Variants in IMPA2 observed in about 807,000 individuals in gnomAD.
The protein encoded by IMPA2 is inositol monophosphatase 2, also known as IMP 2.
A neutral mutation model predicts 35.1 loss-of-function variants in IMPA2; 32 were observed. The ratio of observed to expected loss-of-function variants is 0.91; its 90% CI spans 0.69 to 1.23. IMPA2 has a LOEUF of 1.23. Ranked by LOEUF, IMPA2 falls within the 50% of genes most tolerant of loss-of-function variation. IMPA2 has a pLI of 0.00. For missense variants in IMPA2, 334 were observed against 387.6 expected (o/e 0.86, Z 1.16); for synonymous variants, 135 against 160.6 (o/e 0.84, Z 1.20).
Position 12,028,836 on chromosome 18 carries a change from C to G in IMPA2, c.600-6C>G, listed in dbSNP as rs764211401. 6.2e-7 allele frequency: 1 copy of G among 1,613,584 alleles called. No individual in the cohort carries two copies. Among genetic ancestry groups the G allele is most frequent in the Non-Finnish European group, 8.5e-7 (1 of 1,179,778 alleles). Reference sequence around the variant, plus strand: ...CCTGCATCTGTCCTCCCTTCCCTCTCCCCAGGGTCCGAGTGATTGGAAGCT... The same window carrying G: ...CCTGCATCTGTCCTCCCTTCCCTCTGCCCAGGGTCCGAGTGATTGGAAGCT... On this transcript the variant is annotated splice_polypyrimidine_tract_variant and splice_region_variant and intron_variant, in intron 6 of 7. Transcript: ENST00000269159.
At chr18:11,988,092 G>A (rs1452387732) in intron 1 of IMPA2, among the ~76,000 whole-genome samples, 7 of 127,998 alleles carry the variant, frequency 5.5e-5, no homozygotes, top group African/African-American at 2.0e-4. Context: ...TGCAACCTCC[G>A]CTTCCCGGGC....
intron 1 of IMPA2, among the ~76,000 whole-genome samples, chr18:11,995,861 T>C (rs1209447351): frequency 6.6e-6 from 1 of 152,188 alleles, no homozygotes; most frequent in Admixed American, 6.5e-5. Flanking sequence ...CCAATGTGTG[T>C]TTTATTCATT....
intron 5 of IMPA2, among the ~76,000 whole-genome samples, chr18:12,015,943 C>T (rs1436525988): frequency 6.6e-6 from 1 of 152,164 alleles, no homozygotes; most frequent in Non-Finnish European, 1.5e-5. Flanking sequence ...TGCAACTCTG[C>T]GTCCTCCCAG....
Position 11,981,667 on chromosome 18 carries a change from G to C in IMPA2, c.-3G>C. 1 of 1,229,362 alleles carries C rather than the reference G, an allele frequency of 8.1e-7. No homozygotes were observed. The highest frequency in any genetic ancestry group is 1.0e-6 in the Non-Finnish European group (1 of 986,128). 76.2% of individuals were successfully genotyped at this position (1,229,362 alleles called of 1,614,324 possible). ...GGAGGTGGAGGGGCCCGGCGAGGCC[G>C]CGATGAAGCCGAGCGGCGAGGACCA... On this transcript the variant is annotated 5_prime_UTR_variant, in exon 1 of 8. Transcript: ENST00000269159.
chr18:12,008,435 C>G (rs551703300), intron 2 of IMPA2: 6 of 508,430 alleles, frequency 1.2e-5, no homozygotes, highest in Non-Finnish European at 2.0e-5. Context: ...GTTTGCTTAG[C>G]GCCTGCCCAA....
At chr18:12,013,807 G>T (rs1907499755) in intron 4 of IMPA2, among the ~76,000 whole-genome samples, 1 of 152,156 alleles carries the variant, frequency 6.6e-6, no homozygotes, top group Non-Finnish European at 1.5e-5. Context: ...TTCCTCGCTG[G>T]GGCTGTCCTT....
At chr18:11,981,985 T>A (rs1374751244) in intron 1 of IMPA2, among the ~76,000 whole-genome samples, 1 of 152,212 alleles carries the variant, frequency 6.6e-6, no homozygotes, top group Non-Finnish European at 1.5e-5. Context: ...GGCGAGCCCC[T>A]CTGCTTTGGA....
chr18:12,021,999 C>T (rs1907742843), intron 5 of IMPA2, among the ~76,000 whole-genome samples: 2 of 152,068 alleles, frequency 1.3e-5, no homozygotes, highest in Non-Finnish European at 2.9e-5. Context: ...ACAGAGATGT[C>T]CTATTTCAAA....
chr18:11,981,523 G>A lies in IMPA2; in HGVS notation c.-147G>A. The A allele has an allele frequency of 2.1e-6, 1 of 466,452 alleles. No homozygotes were observed. The highest frequency in any genetic ancestry group is 3.4e-6 in the Non-Finnish European group (1 of 291,336). The allele number at this position is 466,452 out of a possible 1,614,324, so 28.9% of individuals were successfully genotyped here. ...CCCGCTGGCTGCCCTTCCCGCCAGC[G>A]CAGGTGTGGGACGGGCGGCGGACTA... is the stretch of plus-strand genomic sequence containing the variant. On this transcript the variant is annotated 5_prime_UTR_variant, in exon 1 of 8. Coordinates refer to ENST00000269159, the MANE Select transcript of IMPA2 (RefSeq NM_014214.3).
Position 11,999,191 on chromosome 18 carries a change from G to A in IMPA2, c.230+4G>A, listed in dbSNP as rs1192569007. ...GAGAGAGGTTTCCTTCACACAGGTA[G>A]GTGTACTCCTCTGGGAAACACCCCC... On this transcript the variant is annotated splice_donor_region_variant and intron_variant, in intron 2 of 7. Transcript: ENST00000269159. 1 of 1,612,696 alleles carries A rather than the reference G, an allele frequency of 6.2e-7. No homozygotes were observed. Among genetic ancestry groups the A allele is most frequent in the Non-Finnish European group, 8.5e-7 (1 of 1,179,266 alleles).
rs1908015158 is a variant in IMPA2 at position 12,030,412 on chromosome 18, C to T, written c.821C>T (p.Ala274Val). ...ACCCGGGAGATGGCGATGCTCATAG[C>T]TCAGGCCTTACAGACGATTAACTAT... ...ASTREMAMLI[A>V]QALQTINYGR... The change falls in exon 8 of 8, where the codon GCT becomes GTT. Residue 274 changes from alanine (A) to valine (V), a missense_variant. By Grantham distance (64) the Ala-to-Val change is moderately conservative. Coordinates refer to ENST00000269159, the MANE Select transcript of IMPA2 (RefSeq NM_014214.3). The T allele has an allele frequency of 6.2e-7, 1 of 1,614,106 alleles. No homozygotes were observed. The highest frequency in any genetic ancestry group is 2.2e-5 in the East Asian group (1 of 44,896).
In IMPA2 at chr18:12,029,696, C is replaced by T. The variant is rs143440833; in HGVS notation, c.752-647C>T. Among the ~76,000 whole-genome samples, 1,491 of 152,296 alleles carry T rather than the reference C, an allele frequency of 9.8e-3. 20 individuals are homozygous for T. Among genetic ancestry groups the T allele is most frequent in the African/African-American group, 0.033 (1,370 of 41,556 alleles). On this transcript the variant is annotated intron_variant, in intron 7 of 7. Coordinates refer to ENST00000269159, the MANE Select transcript of IMPA2 (RefSeq NM_014214.3). ...TCGGCCTCCCAAAGTGCTGGGATTA[C>T]AGGCCTGAGCCACCATGCCCGGCCT... is the stretch of plus-strand genomic sequence containing the variant.
chr18:12,028,769 G>T, intron 6 of IMPA2, 73 bp from the exon 7 acceptor site: 1 of 1,512,272 alleles, frequency 6.6e-7, no homozygotes, highest in Admixed American at 2.0e-5. Flanking sequence ...GGGGTACCTG[G>T]CTGAAGTCGG....
intron 1 of IMPA2, among the ~76,000 whole-genome samples, chr18:11,998,458 G>C (rs906739053): frequency 6.6e-6 from 1 of 152,206 alleles, no homozygotes; most frequent in Non-Finnish European, 1.5e-5. Context: ...AGCCCAGAGC[G>C]CAGTGAGAGC....
chr18:11,999,113 T>A lies in IMPA2; in HGVS notation c.156T>A (p.Asp52Glu), dbSNP rs1195027937. 3.1e-6 allele frequency: 5 copies of A among 1,613,724 alleles called. No homozygotes were observed. Among genetic ancestry groups the A allele is most frequent in the Non-Finnish European group, 4.2e-6 (5 of 1,179,716 alleles). Reference sequence around the variant, plus strand: ...TCTCAACAAAAACATCAGCTGCAGATCTTGTGACAGAAACAGATCACCTTG... The same window carrying A: ...TCTCAACAAAAACATCAGCTGCAGAACTTGTGACAGAAACAGATCACCTTG... ...KRVSTKTSAADLVTETDHLVE... is the reference protein window; with the variant it reads ...KRVSTKTSAAELVTETDHLVE... Residue 52 changes from aspartate to glutamate, a missense_variant, in exon 2 of 8, where the codon GAT becomes GAA. Coordinates refer to ENST00000269159, the MANE Select transcript of IMPA2 (RefSeq NM_014214.3).
intron 3 of IMPA2, among the ~76,000 whole-genome samples, chr18:12,011,676 GC>G (rs1409807696): frequency 6.6e-6 from 1 of 152,240 alleles, no homozygotes. Context: ...ACTGTCTGCA[GC>G]CGTGGCTGTC....
chr18:11,998,544 A>G (rs1907022652), intron 1 of IMPA2, among the ~76,000 whole-genome samples: 1 of 152,240 alleles, frequency 6.6e-6, no homozygotes, highest in African/African-American at 2.4e-5. Flanking sequence ...ATTCGAGGGC[A>G]TATCCCATTT....
chr18:12,027,066 T>C (rs79453728), intron 5 of IMPA2, among the ~76,000 whole-genome samples: 1,658 of 152,320 alleles, frequency 0.011, 28 homozygotes, highest in African/African-American at 0.038. Context: ...ACTGGGTCCA[T>C]TGAGTGCAGT....
intron 3 of IMPA2, among the ~76,000 whole-genome samples, chr18:12,011,716 A>G (rs547823695): frequency 6.6e-6 from 1 of 152,352 alleles, no homozygotes; most frequent in East Asian, 1.9e-4. Flanking sequence ...GCACTCAGGC[A>G]GGGATGCTAG....
Sources: gnomAD v4.1 joint callset for allele counts (sites outside exome capture counted in the v4.1 genomes callset) on GRCh38, gnomAD v4.1.1 for gene constraint, MANE v1.5 for transcripts, NCBI Gene and HGNC (gene_info 2026-07-23, HGNC 2026-07-21) for gene names.